The following MATCAP2 variants were observed in gnomAD, a reference collection of about 807,000 sequenced individuals.
MATCAP2 encodes putative tyrosine carboxypeptidase MATCAP2.
At chr7:36,378,309 T>TAAC in the MATCAP2 span, among the ~76,000 whole-genome samples, 59 of 152,294 alleles carry the variant, frequency 3.9e-4, no homozygotes, top group African/African-American at 1.3e-3. Context: ...TTCTGTTTGT[T>TAAC]AGTTTTCCTT....
chr7:36,350,029 A>G, the MATCAP2 span, among the ~76,000 whole-genome samples: 1 of 152,364 alleles, frequency 6.6e-6, no homozygotes, highest in African/African-American at 2.4e-5. Flanking sequence ...GTGATTTGCT[A>G]AACAGAATAT....
the MATCAP2 span, among the ~76,000 whole-genome samples, chr7:36,352,804 AAC>A: frequency 6.6e-6 from 1 of 151,492 alleles, no homozygotes; most frequent in Non-Finnish European, 1.5e-5. Context: ...TAGCCTGGGC[AAC>A]AGAGTGAGAC....
chr7:36,328,249 G>GGGGGT, the MATCAP2 span, among the ~76,000 whole-genome samples: 2 of 116,504 alleles, frequency 1.7e-5, no homozygotes, highest in African/African-American at 6.2e-5. Flanking sequence ...TAGGGGGGGG[G>GGGGGT]GGTCTTGCTA....
the MATCAP2 span, among the ~76,000 whole-genome samples, chr7:36,327,582 A>G: frequency 1.3e-5 from 2 of 152,372 alleles, no homozygotes; most frequent in South Asian, 4.1e-4. Context: ...AATCGAAATA[A>G]AAGAATCAAA....
chr7:36,330,982 C>T, the MATCAP2 span: 1 of 1,598,938 alleles, frequency 6.3e-7, no homozygotes, highest in South Asian at 1.1e-5. Context: ...TTCTACTCAC[C>T]TTCCCGAGAG....
chr7:36,336,029 C>T, the MATCAP2 span: 1 of 597,424 alleles, frequency 1.7e-6, no homozygotes, highest in African/African-American at 1.9e-5. Flanking sequence ...CCGAGATTCA[C>T]CACTGCACTC....
At chr7:36,380,002 T>C in the MATCAP2 span, among the ~76,000 whole-genome samples, 1 of 152,182 alleles carries the variant, frequency 6.6e-6, no homozygotes, top group South Asian at 2.1e-4. Flanking sequence ...TCACAACTTT[T>C]CTGTAAGTCT....
the MATCAP2 span, among the ~76,000 whole-genome samples, chr7:36,385,177 G>T: frequency 6.6e-6 from 1 of 152,146 alleles, no homozygotes; most frequent in Non-Finnish European, 1.5e-5. Context: ...TTTTTAGCAG[G>T]TATAATGAAG....
At chr7:36,389,956 C>G in the MATCAP2 span, 1 of 1,613,930 alleles carries the variant, frequency 6.2e-7, no homozygotes. Context: ...ACACACTGAG[C>G]TGAGACTCAC....
chr7:36,327,117 A>G, the MATCAP2 span, among the ~76,000 whole-genome samples: 2 of 152,122 alleles, frequency 1.3e-5, no homozygotes, highest in South Asian at 4.1e-4. Flanking sequence ...CCCTTATACC[A>G]TGACCATATT....
chr7:36,343,922 G>A, the MATCAP2 span, among the ~76,000 whole-genome samples: 1 of 152,140 alleles, frequency 6.6e-6, no homozygotes, highest in Non-Finnish European at 1.5e-5. Flanking sequence ...AAAGACCTGA[G>A]TAAAACTGAT....
the MATCAP2 span, among the ~76,000 whole-genome samples, chr7:36,385,908 A>G: frequency 5.3e-5 from 8 of 152,232 alleles, no homozygotes; most frequent in African/African-American, 1.9e-4. Context: ...TAATCCCAGC[A>G]CTTTGGGAGG....
chr7:36,352,396 TAAAAA>T, the MATCAP2 span, among the ~76,000 whole-genome samples: 1 of 106,202 alleles, frequency 9.4e-6, no homozygotes, highest in African/African-American at 3.6e-5. Context: ...GACTCCATCT[TAAAAA>T]AAAAAAAAAA....
the MATCAP2 span, among the ~76,000 whole-genome samples, chr7:36,378,082 G>A: frequency 1.3e-5 from 2 of 152,210 alleles, no homozygotes; most frequent in Admixed American, 1.3e-4. Context: ...CGTGATTACC[G>A]ACCTTCTGAA....
chr7:36,363,021 G>T, the MATCAP2 span, among the ~76,000 whole-genome samples: 7 of 152,148 alleles, frequency 4.6e-5, no homozygotes, highest in African/African-American at 1.4e-4. Flanking sequence ...CTTATGAAAG[G>T]GGGGCCAGAG....
chr7:36,343,605 AAAG>A, the MATCAP2 span, among the ~76,000 whole-genome samples: 7 of 110,376 alleles, frequency 6.3e-5, no homozygotes, highest in East Asian at 5.4e-4. Flanking sequence ...GAAAGGAAGG[AAAG>A]AAGGAGAGAA....
the MATCAP2 span, among the ~76,000 whole-genome samples, chr7:36,387,017 G>C: frequency 6.6e-6 from 1 of 152,090 alleles, no homozygotes; most frequent in Non-Finnish European, 1.5e-5. Context: ...AGGATAATGG[G>C]TACATAAATT....
the MATCAP2 span, chr7:36,357,282 T>C: frequency 3.1e-6 from 5 of 1,614,184 alleles, no homozygotes; most frequent in Non-Finnish European, 8.5e-7. Flanking sequence ...CAGTACCAAG[T>C]ACCACTGCTT....
the MATCAP2 span, among the ~76,000 whole-genome samples, chr7:36,341,926 AT>A: frequency 1.2e-4 from 18 of 152,314 alleles, no homozygotes; most frequent in East Asian, 2.7e-3. Context: ...AGTTTATGGT[AT>A]TTTGTTATAG....
Sources: allele counts gnomAD v4.1 joint callset (sites outside exome capture counted in the v4.1 genomes callset), GRCh38; gene constraint gnomAD v4.1.1; transcripts MANE v1.5; gene names NCBI Gene and HGNC (gene_info 2026-07-23, HGNC 2026-07-21).